The following PRKG1 variants were observed in gnomAD, a reference collection of about 807,000 sequenced individuals.
PRKG1 encodes the protein cGMP-dependent protein kinase 1.
Under a neutral mutation model 88.1 loss-of-function variants are expected in PRKG1, and 35 were observed. The observed-to-expected ratio is 0.40, with a 90% CI of 0.30 to 0.53. PRKG1 has a LOEUF of 0.53. Ranked by LOEUF, PRKG1 falls within the 20% of genes least tolerant of loss-of-function variation. The pLI, the probability that PRKG1 is intolerant of heterozygous loss-of-function variation, is 0.59. For synonymous variants in PRKG1, 303 were observed against 292.5 expected (o/e 1.04, Z -0.37); for missense variants, 540 against 839.8 (o/e 0.64, Z 4.41).
chr10:51,099,470 C>T (rs1337555811), intron 1 of PRKG1, among the ~76,000 whole-genome samples: 1 of 151,888 alleles, frequency 6.6e-6, no homozygotes, highest in African/African-American at 2.4e-5. Flanking sequence ...GGATGATTTT[C>T]TCTAGTTTAA....
In PRKG1 at chr10:51,194,414, G is replaced by A. The variant is rs187844047; in HGVS notation, c.478+41084G>A. On this transcript the variant is annotated intron_variant, in intron 2 of 17. Transcript: ENST00000373980. ...GCACCCAACCCCCTGACAGGCCCCA[G>A]TGTGTGATGTTCTGCTACCTGTGTC... Among the ~76,000 whole-genome samples the A allele has an allele frequency of 8.2e-4, 125 of 151,854 alleles. 1 individual carries two copies. Among genetic ancestry groups the A allele is most frequent in the Admixed American group, 1.8e-3 (27 of 15,230 alleles).
intron 7 of PRKG1, among the ~76,000 whole-genome samples, chr10:52,121,825 A>C (rs1353284312): frequency 6.6e-6 from 1 of 152,170 alleles, no homozygotes; most frequent in Admixed American, 6.5e-5. Context: ...CTGTCTTCTG[A>C]GCCCTCACCA....
At chr10:51,288,010 A>G (rs903954521) in intron 2 of PRKG1, among the ~76,000 whole-genome samples, 1 of 152,176 alleles carries the variant, frequency 6.6e-6, no homozygotes, top group African/African-American at 2.4e-5. Flanking sequence ...CCCACAGATA[A>G]TTAAAATAGC....
At chr10:52,106,483 G>T (rs2132578665) in intron 7 of PRKG1, among the ~76,000 whole-genome samples, 1 of 151,996 alleles carries the variant, frequency 6.6e-6, no homozygotes. Flanking sequence ...AAATCCTTCG[G>T]GAACAGCATC....
At chr10:51,975,394 G>A (rs1478176857) in intron 5 of PRKG1, among the ~76,000 whole-genome samples, 6 of 151,914 alleles carry the variant, frequency 3.9e-5, no homozygotes, top group Non-Finnish European at 7.4e-5. Flanking sequence ...TCAAGCGGGG[G>A]AAATAGGTTA....
At chr10:51,349,138 G>A (rs1842180926) in intron 2 of PRKG1, among the ~76,000 whole-genome samples, 1 of 152,246 alleles carries the variant, frequency 6.6e-6, no homozygotes, top group African/African-American at 2.4e-5. Context: ...AGACTTAGAG[G>A]AGTAAAATAG....
At chr10:51,232,460 G>A (rs946076264) in intron 2 of PRKG1, among the ~76,000 whole-genome samples, 1 of 152,088 alleles carries the variant, frequency 6.6e-6, no homozygotes, top group African/African-American at 2.4e-5. Context: ...ACGCTTGATG[G>A]TGATGGACTT....
chr10:52,290,864 A>G (rs1342909599), intron 17 of PRKG1, among the ~76,000 whole-genome samples: 1 of 152,064 alleles, frequency 6.6e-6, no homozygotes, highest in African/African-American at 2.4e-5. Flanking sequence ...GTCTCTAAAA[A>G]AAGAAATAAA....
intron 2 of PRKG1, among the ~76,000 whole-genome samples, chr10:51,288,500 T>C (rs1394030094): frequency 6.6e-6 from 1 of 152,180 alleles, no homozygotes; most frequent in African/African-American, 2.4e-5. Context: ...AGGGACTGAG[T>C]CTTTGGTAGC....
intron 5 of PRKG1, among the ~76,000 whole-genome samples, chr10:51,913,356 C>G (rs1842266565): frequency 6.6e-6 from 1 of 152,166 alleles, no homozygotes; most frequent in Admixed American, 6.5e-5. Flanking sequence ...AGTAGTTTTT[C>G]AACCCCCACG....
At chr10:51,352,310 T>C (rs1842267256) in intron 2 of PRKG1, among the ~76,000 whole-genome samples, 1 of 152,108 alleles carries the variant, frequency 6.6e-6, no homozygotes, top group Admixed American at 6.6e-5. Flanking sequence ...TTGATGGGGA[T>C]AGCATTGCCT....
At chr10:51,804,131 G>A (rs1309447905) in intron 3 of PRKG1, among the ~76,000 whole-genome samples, 3 of 151,964 alleles carry the variant, frequency 2.0e-5, no homozygotes, top group African/African-American at 7.3e-5. Flanking sequence ...TCTCCCCTAA[G>A]CCTGAAAATT....
intron 4 of PRKG1, among the ~76,000 whole-genome samples, chr10:51,821,461 T>C (rs2132728479): frequency 6.6e-6 from 1 of 152,204 alleles, no homozygotes; most frequent in Admixed American, 6.5e-5. Flanking sequence ...TTTATGCTCC[T>C]AAAAAATATA....
At chr10:51,480,485 G>A (rs781047807) in intron 3 of PRKG1, among the ~76,000 whole-genome samples, 3 of 151,472 alleles carry the variant, frequency 2.0e-5, no homozygotes, top group Admixed American at 6.6e-5. Context: ...TCTCCATACC[G>A]TTTTCAGAGT....
At chr10:52,012,520 G>A (rs1844916944) in intron 5 of PRKG1, among the ~76,000 whole-genome samples, 1 of 152,090 alleles carries the variant, frequency 6.6e-6, no homozygotes, top group African/African-American at 2.4e-5. Context: ...GGGATTACAG[G>A]CGTGAGCCAC....
intron 3 of PRKG1, among the ~76,000 whole-genome samples, chr10:51,751,208 G>A (rs1263914334): frequency 3.3e-5 from 5 of 152,100 alleles, no homozygotes; most frequent in Admixed American, 6.6e-5. Context: ...AAAATACAGG[G>A]CATTCAGTTC....
At chr10:51,880,468 G>T (rs1409090201) in intron 4 of PRKG1, among the ~76,000 whole-genome samples, 1 of 152,100 alleles carries the variant, frequency 6.6e-6, no homozygotes, top group Non-Finnish European at 1.5e-5. Context: ...CACTGGAATT[G>T]CCAGGTCCCC....
At chr10:51,986,280 C>T (rs1281508711) in intron 5 of PRKG1, among the ~76,000 whole-genome samples, 3 of 152,200 alleles carry the variant, frequency 2.0e-5, no homozygotes, top group Non-Finnish European at 2.9e-5. Flanking sequence ...AACCTCACCA[C>T]TTTGTATTTT....
intron 3 of PRKG1, among the ~76,000 whole-genome samples, chr10:51,562,440 G>T (rs1837491464): frequency 1.3e-5 from 2 of 152,050 alleles, no homozygotes; most frequent in Admixed American, 1.3e-4. Context: ...TTTCTAAGTG[G>T]AGATAGTAGG....
Sources: allele counts gnomAD v4.1 joint callset (sites outside exome capture counted in the v4.1 genomes callset), GRCh38; gene constraint gnomAD v4.1.1; transcripts MANE v1.5; gene names NCBI Gene and HGNC (gene_info 2026-07-23, HGNC 2026-07-21).